Variants in KCND3 observed in about 807,000 individuals in gnomAD.
KCND3 encodes potassium voltage-gated channel subfamily D member 3.
A neutral mutation model predicts 51.1 loss-of-function variants in KCND3; 9 were observed. The observed-to-expected ratio is 0.18, with a 90% CI of 0.11 to 0.31. KCND3 has a LOEUF of 0.31. KCND3 is among the 10% of genes least tolerant of loss of function. The pLI, the probability that KCND3 is intolerant of heterozygous loss-of-function variation, is 1.00. For missense variants in KCND3, 526 were observed against 903.8 expected, an observed-to-expected ratio of 0.58 and a Z score of 5.36; for synonymous variants, 349 against 368.0, an observed-to-expected ratio of 0.95 and a Z score of 0.59.
At chr1:111,937,064 G>A (rs563681923) in intron 2 of KCND3, among the ~76,000 whole-genome samples, 4 of 152,300 alleles carry the variant, frequency 2.6e-5, no homozygotes, top group South Asian at 4.1e-4. Flanking sequence ...TAAAAGGTAC[G>A]AACAGTAGGC....
intron 6 of KCND3, among the ~76,000 whole-genome samples, chr1:111,778,094 C>A (rs1464327760): frequency 6.6e-6 from 1 of 152,196 alleles, no homozygotes; most frequent in African/African-American, 2.4e-5. Context: ...CAGGGAAAGA[C>A]CAGCCTGGCG....
chr1:111,987,104 T>G (rs567190163), intron 1 of KCND3, among the ~76,000 whole-genome samples: 2 of 152,232 alleles, frequency 1.3e-5, no homozygotes, highest in South Asian at 4.2e-4. Flanking sequence ...GACACACAGT[T>G]CTGCCCCCTG....
At chr1:111,820,799 A>C (rs1007602392) in intron 2 of KCND3, among the ~76,000 whole-genome samples, 2 of 152,208 alleles carry the variant, frequency 1.3e-5, no homozygotes, top group Non-Finnish European at 2.9e-5. Context: ...ATGTCTTTAT[A>C]AGAAAAGAAA....
chr1:111,953,382 T>C (rs1474595445), intron 2 of KCND3, among the ~76,000 whole-genome samples: 1 of 152,224 alleles, frequency 6.6e-6, no homozygotes, highest in Non-Finnish European at 1.5e-5. Context: ...GAGAGTTTTA[T>C]ATGGGCTCTC....
rs114669228 is a variant in KCND3 at position 111,844,372 on chromosome 1, C to T, written c.1107-57266G>A. 5.2e-3 allele frequency among the ~76,000 whole-genome samples: 798 copies of T among 152,248 alleles called. 12 individuals are homozygous for T. The highest frequency in any genetic ancestry group is 0.018 in the African/African-American group (755 of 41,530). ...TATTTCCATTTTTTAAAGGATCCAG[C>T]TTCTTTGATGGATATACAAAGAAGG... On this transcript the variant is annotated intron_variant, in intron 2 of 7. Coordinates refer to ENST00000302127, the MANE Select transcript of KCND3 (RefSeq NM_001378969.1).
chr1:111,882,532 A>C (rs1289501925), intron 2 of KCND3, among the ~76,000 whole-genome samples: 1 of 152,176 alleles, frequency 6.6e-6, no homozygotes, highest in Non-Finnish European at 1.5e-5. Flanking sequence ...GTGTGTGTGA[A>C]GGTGACAGTG....
rs191743719 is a variant in KCND3, at chr1:111,834,479, T to C, written c.1107-47373A>G. ...GCTCCAATCCTTAGTGTCTGCTCTC[T>C]GTACTTACTGAGAACACAGAAACAT... On this transcript the variant is annotated intron_variant, in intron 2 of 7. Coordinates refer to ENST00000302127, the MANE Select transcript of KCND3 (RefSeq NM_001378969.1). Among the ~76,000 whole-genome samples, 20 of 152,362 alleles carry C rather than the reference T, an allele frequency of 1.3e-4. No individual in the cohort carries two copies. In the East Asian group the frequency reaches 2.9e-3, roughly 22 times the overall value.
chr1:111,907,945 A>G (rs1195296724), intron 2 of KCND3, among the ~76,000 whole-genome samples: 1 of 151,022 alleles, frequency 6.6e-6, no homozygotes, highest in Non-Finnish European at 1.5e-5. Context: ...TTAGTAGTTC[A>G]TTGTCTTTCT....
chr1:111,895,629 C>A (rs969700659), intron 2 of KCND3, among the ~76,000 whole-genome samples: 2 of 152,230 alleles, frequency 1.3e-5, no homozygotes, highest in Admixed American at 1.3e-4. Flanking sequence ...ACCTTCCAGG[C>A]TTATTCAGCA....
chr1:111,786,870 C>T (rs951672827), intron 3 of KCND3, 74 bp downstream of exon 3: 2 of 1,570,106 alleles, frequency 1.3e-6, no homozygotes, highest in African/African-American at 2.7e-5. Flanking sequence ...GTGAGGAGCT[C>T]TAGTCCTGGC....
Position 111,780,449 on chromosome 1 carries a change from G to T in KCND3, c.1372-135C>A. ...TTTATTTGACCAAATTTCAGGGTCAGCATTGAATATGCTAACCTTTGGGCT... is the reference window on the plus strand; with the variant it reads ...TTTATTTGACCAAATTTCAGGGTCATCATTGAATATGCTAACCTTTGGGCT... On this transcript the variant is annotated intron_variant, in intron 4 of 7. Transcript: ENST00000302127. This position sits in a 1 kb window ranked among gnomAD's most constrained non-coding sequence, Gnocchi z 4.2. The T allele has an allele frequency of 1.1e-6, 1 of 940,396 alleles. No homozygotes were observed. The highest frequency in any genetic ancestry group is 1.7e-6 in the Non-Finnish European group (1 of 595,018). 58.3% of individuals were successfully genotyped at this position (940,396 alleles called of 1,614,324 possible). A position where few individuals can be genotyped will look rare whatever the true frequency, so the allele number is the denominator to read the frequency against.
rs1675039721 is a variant in KCND3 at position 111,982,815 on chromosome 1, G to A, written c.-72-17C>T. ...CAGCAAACCCTGGGAGACAGGAGGG[G>A]AGAGAGAGAAGCGGTGAGTCCATAT... is the stretch of plus-strand genomic sequence containing the variant. On this transcript the variant is annotated splice_polypyrimidine_tract_variant and intron_variant, in intron 1 of 7. Coordinates refer to ENST00000302127, the MANE Select transcript of KCND3 (RefSeq NM_001378969.1). This position sits in a 1 kb window ranked among gnomAD's most constrained non-coding sequence, Gnocchi z 8.5. The A allele has an allele frequency of 6.6e-7, 1 of 1,510,710 alleles. No individual in the cohort carries two copies. The highest frequency in any genetic ancestry group is 8.9e-7 in the Non-Finnish European group (1 of 1,124,486). 93.6% of individuals were successfully genotyped at this position (1,510,710 alleles called of 1,614,324 possible). A position where few individuals can be genotyped will look rare whatever the true frequency, so the allele number is the denominator to read the frequency against.
chr1:111,963,147 G>A lies in KCND3; in HGVS notation c.1106+18474C>T, dbSNP rs1673759560. ...TCAGCTAAGCCAGACCAGACCAAGAGAACTGCCGAGACAACTCAACCCCCC... is the reference window on the plus strand; with the variant it reads ...TCAGCTAAGCCAGACCAGACCAAGAAAACTGCCGAGACAACTCAACCCCCC... On this transcript the variant is annotated intron_variant, in intron 2 of 7. Coordinates refer to ENST00000302127, the MANE Select transcript of KCND3 (RefSeq NM_001378969.1). Among the ~76,000 whole-genome samples the A allele has an allele frequency of 2.0e-5, 3 of 152,172 alleles. No individual in the cohort carries two copies. The South Asian group carries it at 6.2e-4, about 32-fold the overall frequency.
chr1:111,889,593 G>T (rs1669732004), intron 2 of KCND3, among the ~76,000 whole-genome samples: 1 of 152,028 alleles, frequency 6.6e-6, no homozygotes, highest in Non-Finnish European at 1.5e-5. Flanking sequence ...CCAAAGTTAA[G>T]GATGCACCCA....
At chr1:111,816,041 T>C (rs1448322944) in intron 2 of KCND3, among the ~76,000 whole-genome samples, 1 of 152,230 alleles carries the variant, frequency 6.6e-6, no homozygotes, top group Non-Finnish European at 1.5e-5. Flanking sequence ...AAGAGCTTCA[T>C]ATGAATCATC....
chr1:111,905,524 T>G (rs1440877554), intron 2 of KCND3, among the ~76,000 whole-genome samples: 7 of 152,206 alleles, frequency 4.6e-5, no homozygotes, highest in African/African-American at 1.7e-4. Context: ...CACTGGACCA[T>G]GCGTCTGCAG....
chr1:111,950,991 T>A (rs1673031382), intron 2 of KCND3, among the ~76,000 whole-genome samples: 1 of 151,878 alleles, frequency 6.6e-6, no homozygotes, highest in African/African-American at 2.4e-5. Context: ...GCTAACATGG[T>A]GAAACCCTGT....
intron 2 of KCND3, among the ~76,000 whole-genome samples, chr1:111,944,567 C>A (rs917157335): frequency 6.6e-6 from 1 of 152,214 alleles, no homozygotes; most frequent in Admixed American, 6.5e-5. Flanking sequence ...CCCTCCTGGG[C>A]ATGCTGCCTG....
chr1:111,962,770 G>T (rs188132587), intron 2 of KCND3, among the ~76,000 whole-genome samples: 1 of 152,136 alleles, frequency 6.6e-6, no homozygotes, highest in Non-Finnish European at 1.5e-5. Flanking sequence ...ATACCACTGC[G>T]CAATGTGATG....
Sources: gnomAD v4.1 joint callset for allele counts (sites outside exome capture counted in the v4.1 genomes callset) on GRCh38, gnomAD v4.1.1 for gene constraint, Gnocchi (gnomAD v3.1) non-coding constraint, MANE v1.5 for transcripts, NCBI Gene and HGNC (gene_info 2026-07-23, HGNC 2026-07-21) for gene names.